Variants in DMD observed in about 807,000 individuals in gnomAD.
DMD encodes dystrophin.
Under a neutral mutation model 330.1 loss-of-function variants are expected in DMD, and 63 were observed. That is an observed-to-expected ratio of 0.19 (90% CI 0.16 to 0.24). DMD has a LOEUF of 0.24. DMD is among the 10% of genes least tolerant of loss of function. The pLI is 1.00. For synonymous variants in DMD, 1,223 were observed against 959.8 expected (o/e 1.27, Z -5.07); for missense variants, 3,344 against 2,684.1 (o/e 1.25, Z -5.43).
chrX:31,608,922 A>G (rs914504762), intron 55 of DMD, among the ~76,000 whole-genome samples: 5 of 111,927 alleles, frequency 4.5e-5, no homozygotes, highest in African/African-American at 1.6e-4. Context: ...AATGGGATTA[A>G]TGATTAAATC....
chrX:33,122,981 T>C (rs1241477872), intron 1 of DMD, among the ~76,000 whole-genome samples: 1 of 112,505 alleles, frequency 8.9e-6, no homozygotes, highest in Non-Finnish European at 1.9e-5. Flanking sequence ...TTTCAGTCAA[T>C]GATAAACTGC....
chrX:32,502,960 G>T (rs757412327), intron 18 of DMD, among the ~76,000 whole-genome samples: 1 of 110,771 alleles, frequency 9.0e-6, no homozygotes, highest in Non-Finnish European at 1.9e-5. Context: ...GCACTTGAAA[G>T]GTGGTCAGCA....
At chrX:32,405,414 T>C (rs967759147) in intron 30 of DMD, among the ~76,000 whole-genome samples, 5 of 112,047 alleles carry the variant, frequency 4.5e-5, no homozygotes, top group Non-Finnish European at 9.4e-5. Context: ...CACGCATAGG[T>C]TGTTACATTT....
At chrX:31,454,956 T>G (rs1421987264) in intron 59 of DMD, among the ~76,000 whole-genome samples, 1 of 100,860 alleles carries the variant, frequency 9.9e-6, no homozygotes, top group Non-Finnish European at 2.0e-5. Flanking sequence ...TTTTTCTTTT[T>G]TTTTTTTTTT....
intron 6 of DMD, among the ~76,000 whole-genome samples, chrX:32,813,924 T>C (rs769094511): frequency 2.6e-4 from 29 of 111,806 alleles, no homozygotes; most frequent in African/African-American, 9.1e-4. Flanking sequence ...GGATGAAACA[T>C]AATATGGCTG....
intron 78 of DMD, among the ~76,000 whole-genome samples, chrX:31,126,306 A>G (rs1218635001): frequency 1.8e-5 from 2 of 112,186 alleles, no homozygotes; most frequent in African/African-American, 6.5e-5. Context: ...AGTTATGTTC[A>G]AGGCTAAATT....
chrX:31,854,945 C>A (rs1290053984), intron 48 of DMD, among the ~76,000 whole-genome samples: 1 of 111,363 alleles, frequency 9.0e-6, no homozygotes, highest in Non-Finnish European at 1.9e-5. Context: ...ACAAATATCT[C>A]CAGCAATTGC....
chrX:31,235,622 T>A (rs1450438089), intron 63 of DMD, among the ~76,000 whole-genome samples: 1 of 112,425 alleles, frequency 8.9e-6, no homozygotes, highest in African/African-American at 3.2e-5. Flanking sequence ...GGAACTTCCT[T>A]GCTTTTACCA....
chrX:32,723,192 T>C (rs183020465), intron 7 of DMD, among the ~76,000 whole-genome samples: 4 of 111,791 alleles, frequency 3.6e-5, no homozygotes, highest in East Asian at 5.6e-4. Flanking sequence ...GAGATAATCA[T>C]GTGGTTTTTC....
At chrX:31,386,894 T>G (rs1488860952) in intron 60 of DMD, among the ~76,000 whole-genome samples, 1 of 111,431 alleles carries the variant, frequency 9.0e-6, no homozygotes, top group Non-Finnish European at 1.9e-5. Context: ...CCTTAAGGCA[T>G]TTCCTCGGTC....
rs1158363677 is a variant in DMD at position 31,748,367 on chromosome X, G to A, written c.7543-18619C>T. The stretch of plus-strand genomic sequence containing the variant: ...TTCGTACAAAGGGCAGCACAAAATG[G>A]GAGGTTAAAAAATTAAGCAACATTA... On this transcript the variant is annotated intron_variant, in intron 51 of 78. Coordinates refer to ENST00000357033, the MANE Select transcript of DMD (RefSeq NM_004006.3). Among the ~76,000 whole-genome samples the A allele has an allele frequency of 2.7e-5, 3 of 111,817 alleles. No homozygotes were observed. The East Asian group carries it at 8.4e-4, about 31-fold the overall frequency.
At chrX:31,200,133 T>C (rs999139714) in intron 67 of DMD, among the ~76,000 whole-genome samples, 16 of 112,152 alleles carry the variant, frequency 1.4e-4, no homozygotes, top group African/African-American at 5.2e-4. Context: ...AGCCTCGCCA[T>C]ACATATGGAA....
intron 55 of DMD, among the ~76,000 whole-genome samples, chrX:31,522,394 C>G (rs1400065151): frequency 2.8e-4 from 17 of 61,800 alleles, no homozygotes; most frequent in African/African-American, 1.0e-3. Context: ...TATAGCTGCA[C>G]AGGAAGGAGG....
intron 61 of DMD, among the ~76,000 whole-genome samples, chrX:31,337,976 G>A (rs1317462704): frequency 1.8e-5 from 2 of 111,415 alleles, no homozygotes; most frequent in Admixed American, 9.5e-5. Flanking sequence ...GTCTAGGAGA[G>A]GTTAATACTA....
At chrX:31,178,974 ATGTACTAATTTGGC>A (rs2040854493) in intron 69 of DMD, among the ~76,000 whole-genome samples, 169 bp from the exon 70 acceptor site, 1 of 111,647 alleles carries the variant, frequency 9.0e-6, no homozygotes, top group Non-Finnish European at 1.9e-5. Flanking sequence ...CAGGCCTGGC[ATGTACTAATTTGGC>A]TGAGTTATTT....
intron 45 of DMD, 83 bp downstream of exon 45, chrX:31,968,256 T>C: frequency 2.7e-6 from 3 of 1,104,393 alleles, no homozygotes; most frequent in South Asian, 3.7e-5. Context: ...ACCCTGCTTA[T>C]AATCTCTCAT....
intron 67 of DMD, among the ~76,000 whole-genome samples, chrX:31,196,382 C>T (rs1235392413): frequency 9.0e-6 from 1 of 110,968 alleles, no homozygotes; most frequent in Admixed American, 9.6e-5. Flanking sequence ...TACTTAGTTA[C>T]TAGTGAGTAT....
At chrX:33,052,675 T>A (rs188551631) in intron 1 of DMD, among the ~76,000 whole-genome samples, 9 of 111,973 alleles carry the variant, frequency 8.0e-5, no homozygotes, top group Admixed American at 1.9e-4. Flanking sequence ...CAGAAAGATA[T>A]TACTTGTCTC....
chrX:31,725,104 C>T lies in DMD; in HGVS notation c.7660+4527G>A, dbSNP rs192822014. On this transcript the variant is annotated intron_variant, in intron 52 of 78. Transcript: ENST00000357033. ...TAACCAGCCTTTTCCATTTGATGTG[C>T]CTCGGGCTTTAAAATCATATAGACG... Among the ~76,000 whole-genome samples, 120 of 111,579 alleles carry T rather than the reference C, an allele frequency of 1.1e-3. 1 individual carries two copies. The highest frequency in any genetic ancestry group is 3.8e-3 in the African/African-American group (116 of 30,715).
Sources: gnomAD v4.1 joint callset for allele counts (sites outside exome capture counted in the v4.1 genomes callset) on GRCh38, gnomAD v4.1.1 for gene constraint, MANE v1.5 for transcripts, NCBI Gene and HGNC (gene_info 2026-07-23, HGNC 2026-07-21) for gene names.